The following PRPF8 variants were observed in gnomAD, a reference collection of about 807,000 sequenced individuals.
PRPF8 encodes the protein pre-mRNA-processing-splicing factor 8.
In PRPF8, 64 loss-of-function variants were observed where a neutral mutation model predicts 285.9. The observed-to-expected ratio is 0.22, with a 90% CI of 0.18 to 0.28. The LOEUF (loss-of-function observed/expected upper bound fraction) is 0.28, where lower values mean the gene tolerates loss of function less well. Ranked by LOEUF, PRPF8 falls within the 10% of genes least tolerant of loss-of-function variation. The pLI is 1.00. For missense variants in PRPF8, 1,426 were observed against 3,026.7 expected (o/e 0.47, Z 12.41); for synonymous variants, 1,325 against 1,118.2 (o/e 1.18, Z -3.69).
chr17:1,674,115 C>T (rs1182043000), intron 21 of PRPF8, among the ~76,000 whole-genome samples: 2 of 152,188 alleles, frequency 1.3e-5, no homozygotes, highest in African/African-American at 4.8e-5. Context: ...CTCCGCCTCC[C>T]AGGTTCACGC....
chr17:1,676,815 A>G lies in PRPF8; in HGVS notation c.2182-104T>C. On this transcript the variant is annotated intron_variant, in intron 15 of 42. Coordinates refer to ENST00000304992, the MANE Select transcript of PRPF8 (RefSeq NM_006445.4). This position sits in a 1 kb window ranked among gnomAD's most constrained non-coding sequence, Gnocchi z 6.3. Reference sequence around the variant, plus strand: ...AGGCTAAGGAGGATCGCTTGAGCTCAGGAGCTTGAGGCCAGCCTAAGCAAC... The same window carrying G: ...AGGCTAAGGAGGATCGCTTGAGCTCGGGAGCTTGAGGCCAGCCTAAGCAAC... 3 of 1,479,776 alleles carry G rather than the reference A, an allele frequency of 2.0e-6. No individual in the cohort carries two copies. In the Admixed American group the frequency reaches 5.0e-5, roughly 25 times the overall value. The allele number at this position is 1,479,776 out of a possible 1,614,324, so 91.7% of individuals were successfully genotyped here.
intron 3 of PRPF8, chr17:1,682,980 G>A (rs1913018274): frequency 5.3e-6 from 1 of 189,114 alleles, no homozygotes; most frequent in South Asian, 9.2e-5. Flanking sequence ...CTCAACCATA[G>A]GGACATCTTA....
At position 1,660,839 on chromosome 17, in the gene PRPF8, G is replaced by A. The variant is rs1160505759; in HGVS notation, c.4509-12C>T. 1.2e-6 allele frequency: 2 copies of A among 1,613,674 alleles called. No homozygotes were observed. Among genetic ancestry groups the A allele is most frequent in the African/African-American group, 2.7e-5 (2 of 74,946 alleles). ...CACTGGCCTTCTCCCTGGGGAGCAA[G>A]AGAAGCAGGTGAGGTGATATCCTGC... is the stretch of plus-strand genomic sequence containing the variant. On this transcript the variant is annotated splice_polypyrimidine_tract_variant and intron_variant, in intron 28 of 42. Coordinates refer to ENST00000304992, the MANE Select transcript of PRPF8 (RefSeq NM_006445.4).
At chr17:1,655,960 G>A (rs1911358383) in intron 36 of PRPF8, among the ~76,000 whole-genome samples, 1 of 123,880 alleles carries the variant, frequency 8.1e-6, no homozygotes, top group African/African-American at 3.2e-5. Flanking sequence ...TTACTCTGTC[G>A]CCCAGGCTGG....
At chr17:1,654,154 GA>G in intron 37 of PRPF8, 138 bp from the exon 38 acceptor site, 1 of 1,336,356 alleles carries the variant, frequency 7.5e-7, no homozygotes, top group South Asian at 1.2e-5. Flanking sequence ...GCTTCTACAG[GA>G]AGTGTGAAAC....
intron 12 of PRPF8, 45 bp downstream of exon 12, chr17:1,678,717 T>C: frequency 6.2e-7 from 1 of 1,614,110 alleles, no homozygotes; most frequent in East Asian, 2.2e-5. Flanking sequence ...ACAGGCTTCC[T>C]CCAGCGTCCT....
Position 1,652,072 on chromosome 17 carries a change from G to C in PRPF8, c.6370-284C>G, listed in dbSNP as rs891885045. The C allele has an allele frequency of 1.7e-5, 9 of 543,806 alleles. No homozygotes were observed. The African/African-American group carries it at 1.7e-4, about 10-fold the overall frequency. The allele number at this position is 543,806 out of a possible 1,614,324, so 33.7% of individuals were successfully genotyped here. A position where few individuals can be genotyped will look rare whatever the true frequency, so the allele number is the denominator to read the frequency against. On this transcript the variant is annotated intron_variant, in intron 39 of 42. Transcript: ENST00000304992. ...AAGCATAGTATTCACAAGCAAATGA[G>C]CACACATGCAGCTCAGTGTATTTTC...
chr17:1,665,971 C>T (rs1343017978), intron 24 of PRPF8, among the ~76,000 whole-genome samples: 1 of 145,296 alleles, frequency 6.9e-6, no homozygotes, highest in African/African-American at 2.6e-5. Context: ...AGACCATCCT[C>T]GCAAACACGG....
chr17:1,665,233 A>C (rs184105121), intron 24 of PRPF8, among the ~76,000 whole-genome samples: 66 of 151,710 alleles, frequency 4.4e-4, no homozygotes, highest in African/African-American at 1.5e-3. Context: ...GAAGTGAATA[A>C]TACTATTAGA....
Position 1,660,592 on chromosome 17 carries a change from G to A in PRPF8, c.4639-14C>T, listed in dbSNP as rs377216439. The A allele has an allele frequency of 5.6e-6, 9 of 1,614,146 alleles. No homozygotes were observed. The highest frequency in any genetic ancestry group is 1.6e-4 in the Middle Eastern group (1 of 6,062). Reference sequence around the variant, plus strand: ...GCCTACATATACCTGCCAGGAAAACGACAATGTGACATTAGAGATCAAGAG... The same window carrying A: ...GCCTACATATACCTGCCAGGAAAACAACAATGTGACATTAGAGATCAAGAG... On this transcript the variant is annotated splice_polypyrimidine_tract_variant and intron_variant, in intron 29 of 42. Transcript: ENST00000304992.
Position 1,651,625 on chromosome 17 carries a change from C to G in PRPF8, c.6510+23G>C, listed in dbSNP as rs1333671349. On this transcript the variant is annotated intron_variant, in intron 40 of 42. Coordinates refer to ENST00000304992, the MANE Select transcript of PRPF8 (RefSeq NM_006445.4). The surrounding 1 kb of genome is among the most constrained non-coding windows in gnomAD (Gnocchi z 5.1). ...AATCGCACCAGCTTTTCCACACTCC[C>G]AGGCTCCATCACTCCCCATTACCTT... is the stretch of plus-strand genomic sequence containing the variant. 2 of 1,614,028 alleles carry G rather than the reference C, an allele frequency of 1.2e-6. No individual in the cohort carries two copies. The highest frequency in any genetic ancestry group is 2.2e-5 in the East Asian group (1 of 44,902).
chr17:1,665,017 G>A (rs749603643), intron 24 of PRPF8, among the ~76,000 whole-genome samples: 1 of 151,556 alleles, frequency 6.6e-6, no homozygotes, highest in Non-Finnish European at 1.5e-5. Flanking sequence ...AAAATTAGCT[G>A]GGTGTGGTGG....
chr17:1,684,399 GT>G, intron 2 of PRPF8, 72 bp downstream of exon 2: 1 of 1,498,656 alleles, frequency 6.7e-7, no homozygotes. Context: ...AACGGGGAGG[GT>G]CCCCACCCGC....
At chr17:1,671,330 C>CCCAACATTCTGAGCA (rs1912304750) in intron 24 of PRPF8, among the ~76,000 whole-genome samples, 1 of 152,180 alleles carries the variant, frequency 6.6e-6, no homozygotes. Flanking sequence ...CTTTCTGAGT[C>CCCAACATTCTGAGCA]CCAACATTCT....
Position 1,659,627 on chromosome 17 carries a change from C to T in PRPF8, c.4947-79G>A. 2 of 1,546,680 alleles carry T rather than the reference C, an allele frequency of 1.3e-6. No individual in the cohort carries two copies. Among genetic ancestry groups the T allele is most frequent in the Non-Finnish European group, 1.8e-6 (2 of 1,126,092 alleles). Reference sequence around the variant, plus strand: ...CCCAGAACCAGAACCACTTAAATCCCAAAACCATCCCACCCACTCCACCAA... The same window carrying T: ...CCCAGAACCAGAACCACTTAAATCCTAAAACCATCCCACCCACTCCACCAA... On this transcript the variant is annotated intron_variant, in intron 31 of 42. Transcript: ENST00000304992. This position sits in a 1 kb window ranked among gnomAD's most constrained non-coding sequence, Gnocchi z 5.1.
Position 1,660,438 on chromosome 17 carries a change from T to A in PRPF8, c.4779A>T (p.Leu1593Phe). The change falls in exon 30 of 43, where the codon TTA (leucine) becomes TTT (phenylalanine). Residue 1593 changes from leucine to phenylalanine, a missense_variant. This residue lies in a region of PRPF8 where 21 missense variants were observed against 16.5 expected (regional missense o/e 1.27). Coordinates refer to ENST00000304992, the MANE Select transcript of PRPF8 (RefSeq NM_006445.4). ...CCCCTCGATTCCAGCCCACCTGACA[T>A]AAGTCCATAACAATGCTCTCATGGA... ...QKIHESIVMDLCQVFDQELDA... is the reference protein window; with the variant it reads ...QKIHESIVMDFCQVFDQELDA... The A allele has an allele frequency of 6.2e-7, 1 of 1,614,050 alleles. No homozygotes were observed. Among genetic ancestry groups the A allele is most frequent in the Non-Finnish European group, 8.5e-7 (1 of 1,180,024 alleles).
Position 1,658,844 on chromosome 17 carries a change from G to C in PRPF8, c.5139-81C>G. 1.6e-6 allele frequency: 2 copies of C among 1,242,296 alleles called. No homozygotes were observed. Among genetic ancestry groups the C allele is most frequent in the Non-Finnish European group, 1.2e-6 (1 of 843,606 alleles). 77.0% of individuals were successfully genotyped at this position (1,242,296 alleles called of 1,614,324 possible). ...AAGACAAGCTGCCAACTCTACAGAG[G>C]AAGAAAGACTGTTCGCCAGGCTGAC... is the stretch of plus-strand genomic sequence containing the variant. On this transcript the variant is annotated intron_variant, in intron 32 of 42. Coordinates refer to ENST00000304992, the MANE Select transcript of PRPF8 (RefSeq NM_006445.4). This position sits in a 1 kb window ranked among gnomAD's most constrained non-coding sequence, Gnocchi z 4.1.
chr17:1,668,353 T>C (rs779011068), intron 24 of PRPF8, among the ~76,000 whole-genome samples: 10 of 140,698 alleles, frequency 7.1e-5, no homozygotes, highest in Non-Finnish European at 1.2e-4. Context: ...GGTCTAGCAT[T>C]CTTTTTTTTT....
Position 1,661,264 on chromosome 17 carries a change from T to C in PRPF8, c.4338+7A>G. On this transcript the variant is annotated splice_region_variant and intron_variant, in intron 27 of 42. Coordinates refer to ENST00000304992, the MANE Select transcript of PRPF8 (RefSeq NM_006445.4). This position sits in a 1 kb window ranked among gnomAD's most constrained non-coding sequence, Gnocchi z 7.3. ...TGACTCAGGGAAAATCTGCTCCCTC[T>C]ACATACCTGATACTGCTTAAAGTCA... 2 of 1,614,178 alleles carry C rather than the reference T, an allele frequency of 1.2e-6. No individual in the cohort carries two copies. The highest frequency in any genetic ancestry group is 2.2e-5 in the South Asian group (2 of 91,080).
Sources: allele counts gnomAD v4.1 joint callset (sites outside exome capture counted in the v4.1 genomes callset), GRCh38; gene constraint gnomAD v4.1.1; regional missense constraint gnomAD v4.1.1; non-coding constraint Gnocchi (gnomAD v3.1); transcripts MANE v1.5; gene names NCBI Gene and HGNC (gene_info 2026-07-23, HGNC 2026-07-21).